Variants in DTNBP1 observed in about 807,000 individuals in gnomAD.
The protein encoded by DTNBP1 is dystrobrevin binding protein 1, also known as dysbindin.
A neutral mutation model predicts 42.8 loss-of-function variants in DTNBP1; 35 were observed. The observed-to-expected ratio is 0.82, with a 90% confidence interval of 0.63 to 1.09. DTNBP1 has a LOEUF of 1.09. DTNBP1 is among the 50% of genes least tolerant of loss of function. The pLI, the probability that DTNBP1 is intolerant of heterozygous loss-of-function variation, is 0.00. For missense variants in DTNBP1, 457 were observed against 424.2 expected, an observed-to-expected ratio of 1.08 and a Z score of -0.68; for synonymous variants, 171 against 162.2, an observed-to-expected ratio of 1.05 and a Z score of -0.41.
At chr6:15,533,771 C>T (rs149007462) in intron 7 of DTNBP1, 217 of 443,132 alleles carry the variant, frequency 4.9e-4, no homozygotes, top group African/African-American at 3.7e-3. Flanking sequence ...GATGTTTCCA[C>T]ATCCCTGTGT....
intron 4 of DTNBP1, among the ~76,000 whole-genome samples, chr6:15,628,398 CTTTTTTT>C (rs70996561): frequency 2.6e-5 from 2 of 77,060 alleles, no homozygotes; most frequent in African/African-American, 5.3e-5. Flanking sequence ...GATTAAGGTT[CTTTTTTT>C]TTTTTTTTTT....
At position 15,622,663 on chromosome 6, in the gene DTNBP1, CAT is replaced by C. The variant is rs1446430870; in HGVS notation, c.355+4678_355+4679del. Among the ~76,000 whole-genome samples, 21 of 152,250 alleles carry C rather than the reference CAT, an allele frequency of 1.4e-4. No homozygotes were observed. The East Asian group carries it at 3.9e-3, about 28-fold the overall frequency. ...ACCATTTTGCTCGCTATAACAACCG[CAT>C]ATGTCTCATTTAGTGATCAGTGAAA... On this transcript the variant is annotated intron_variant, in intron 5 of 9. Transcript: ENST00000344537.
intron 3 of DTNBP1, among the ~76,000 whole-genome samples, chr6:15,647,374 T>C (rs919530961): frequency 3.3e-5 from 5 of 151,990 alleles, no homozygotes; most frequent in South Asian, 4.1e-4. Flanking sequence ...CTACCGTTTA[T>C]ATCTACCAAT....
intron 7 of DTNBP1, among the ~76,000 whole-genome samples, chr6:15,591,087 T>C (rs1409604078): frequency 6.6e-6 from 1 of 151,986 alleles, no homozygotes; most frequent in Non-Finnish European, 1.5e-5. Context: ...CTATTAAATT[T>C]CTGTTTTTCT....
intron 5 of DTNBP1, among the ~76,000 whole-genome samples, chr6:15,624,531 C>T (rs2743870): frequency 6.6e-6 from 1 of 151,990 alleles, no homozygotes; most frequent in East Asian, 1.9e-4. Context: ...GCTCACATAA[C>T]ATAAATCCTT....
intron 5 of DTNBP1, among the ~76,000 whole-genome samples, chr6:15,620,484 A>G (rs888730767): frequency 6.6e-6 from 1 of 152,016 alleles, no homozygotes; most frequent in Non-Finnish European, 1.5e-5. Flanking sequence ...CACCCCACCC[A>G]GCCTACATTG....
intron 7 of DTNBP1, among the ~76,000 whole-genome samples, chr6:15,556,232 A>AGTGCAGTG (rs1774512310): frequency 6.7e-6 from 1 of 148,948 alleles, no homozygotes; most frequent in African/African-American, 2.5e-5. Flanking sequence ...CCCAGGCTGG[A>AGTGCAGTG]GTGCAGTGGC....
chr6:15,651,409 CTG>C, intron 2 of DTNBP1, 46 bp from the exon 3 acceptor site: 1 of 1,571,470 alleles, frequency 6.4e-7, no homozygotes, highest in Admixed American at 1.9e-5. Context: ...ATTTAGCCAA[CTG>C]AAAAAAAAAA....
At chr6:15,628,186 T>C (rs917957968) in intron 4 of DTNBP1, among the ~76,000 whole-genome samples, 1 of 152,034 alleles carries the variant, frequency 6.6e-6, no homozygotes, top group African/African-American at 2.4e-5. Flanking sequence ...GTTTTGGTCT[T>C]AACATAGTGG....
intron 7 of DTNBP1, among the ~76,000 whole-genome samples, chr6:15,537,724 C>T (rs894130624): frequency 3.3e-5 from 5 of 152,162 alleles, no homozygotes; most frequent in East Asian, 1.9e-4. Flanking sequence ...TTCCTTCCCA[C>T]GCTCACACTC....
intron 7 of DTNBP1, chr6:15,585,940 C>T: frequency 7.3e-7 from 1 of 1,366,854 alleles, no homozygotes; most frequent in South Asian, 2.0e-5. Flanking sequence ...TTGCTGATGG[C>T]TTAAGCAGAT....
chr6:15,662,725 C>T, intron 1 of DTNBP1, 89 bp downstream of exon 1: 2 of 1,565,714 alleles, frequency 1.3e-6, no homozygotes, highest in Middle Eastern at 3.5e-4. Context: ...GACCCTGGAC[C>T]GTGGCGCGGG....
intron 5 of DTNBP1, 28 bp from the exon 6 acceptor site, chr6:15,615,427 T>G (rs1309490911): frequency 6.2e-7 from 1 of 1,612,520 alleles, no homozygotes; most frequent in South Asian, 1.1e-5. Context: ...TAAACAGACC[T>G]CAAAAGTCAG....
intron 1 of DTNBP1, among the ~76,000 whole-genome samples, chr6:15,659,020 A>T (rs1020789002): frequency 6.6e-6 from 1 of 152,182 alleles, no homozygotes; most frequent in Admixed American, 6.5e-5. Context: ...AAAAGGCCAT[A>T]AGTCCATGGA....
At chr6:15,537,158 C>T (rs1372748873) in intron 7 of DTNBP1, among the ~76,000 whole-genome samples, 3 of 152,208 alleles carry the variant, frequency 2.0e-5, no homozygotes, top group African/African-American at 4.8e-5. Context: ...CGGTGGCTCA[C>T]GCCTGTAATC....
intron 7 of DTNBP1, among the ~76,000 whole-genome samples, chr6:15,539,231 A>C (rs1188984464): frequency 6.6e-6 from 1 of 152,238 alleles, no homozygotes; most frequent in Non-Finnish European, 1.5e-5. Flanking sequence ...ATGTAATCAC[A>C]TGCATAGTAT....
chr6:15,630,615 T>C (rs145427876), intron 4 of DTNBP1, among the ~76,000 whole-genome samples: 2 of 152,240 alleles, frequency 1.3e-5, no homozygotes, highest in East Asian at 3.9e-4. Context: ...TCGAAACCCT[T>C]ATTTAGAAAA....
chr6:15,569,001 C>T (rs938715373), intron 7 of DTNBP1, among the ~76,000 whole-genome samples: 1 of 152,154 alleles, frequency 6.6e-6, no homozygotes, highest in Non-Finnish European at 1.5e-5. Flanking sequence ...TTTCCCCTTA[C>T]AAAGCCCTTT....
chr6:15,536,540 G>C (rs1773240431), intron 7 of DTNBP1, among the ~76,000 whole-genome samples: 1 of 152,258 alleles, frequency 6.6e-6, no homozygotes, highest in South Asian at 2.1e-4. Flanking sequence ...CGGGTGCACG[G>C]AAGTCAAGAA....
Sources: gnomAD v4.1 joint callset for allele counts (sites outside exome capture counted in the v4.1 genomes callset) on GRCh38, gnomAD v4.1.1 for gene constraint, MANE v1.5 for transcripts, NCBI Gene and HGNC (gene_info 2026-07-23, HGNC 2026-07-21) for gene names.